LAMC1: variants seen among roughly 807,000 people sequenced by gnomAD.
LAMC1 encodes laminin subunit gamma-1.
A neutral mutation model predicts 173.6 loss-of-function variants in LAMC1; 38 were observed. That is an observed-to-expected ratio of 0.22 (90% CI 0.17 to 0.29). The LOEUF (loss-of-function observed/expected upper bound fraction) is 0.29, where lower values mean the gene tolerates loss of function less well. LAMC1 is among the 10% of genes least tolerant of loss of function. The pLI is 1.00. For missense variants in LAMC1, 1,824 were observed against 2,051.8 expected (o/e 0.89, Z 2.14); for synonymous variants, 746 against 749.1 (o/e 1.00, Z 0.07).
At position 183,130,465 on chromosome 1, in the gene LAMC1, G is replaced by A. The variant is rs763746442; in HGVS notation, c.3402G>A (p.Ala1134=). ...IEETGNLAEQ[A]RAHVENTERL... is the part of the protein sequence containing the mutation. The stretch of plus-strand genomic sequence containing the variant: ...AGACTGGAAACTTGGCTGAACAAGC[G>A]CGTGCCCATGTAGAGAACACAGAGC... Residue 1134 remains alanine (A), a synonymous_variant, in exon 19 of 28, where the codon GCG becomes GCA. Transcript: ENST00000258341. The A allele has an allele frequency of 3.3e-5, 54 of 1,614,068 alleles. No individual in the cohort carries two copies. Among genetic ancestry groups the A allele is most frequent in the African/African-American group, 1.7e-4 (13 of 74,924 alleles).
At chr1:183,121,681 A>G (rs776984316) in intron 11 of LAMC1, 42 bp from the exon 12 acceptor site, 4 of 1,545,912 alleles carry the variant, frequency 2.6e-6, no homozygotes, top group Non-Finnish European at 3.5e-6. Context: ...AGGTTTGGAA[A>G]ACAAGCCAGT....
intron 18 of LAMC1, among the ~76,000 whole-genome samples, chr1:183,129,736 G>C (rs1656731077): frequency 1.3e-5 from 2 of 152,080 alleles, no homozygotes; most frequent in Non-Finnish European, 2.9e-5. Context: ...GTTAGGACCT[G>C]AGTATGAGAT....
At chr1:183,131,172 CAAAAAAA>C (rs3065304) in intron 19 of LAMC1, 120 bp from the exon 20 acceptor site, 11 of 401,180 alleles carry the variant, frequency 2.7e-5, no homozygotes, top group Non-Finnish European at 4.4e-5. Context: ...GAAACTATCT[CAAAAAAA>C]AAAAAAAAAA....
At position 183,024,052 on chromosome 1, in the gene LAMC1, G is replaced by A. The variant is rs1653612945; in HGVS notation, c.336G>A (p.Gln112=). 6.2e-7 allele frequency: 1 copy of A among 1,612,380 alleles called. No individual in the cohort carries two copies. Among genetic ancestry groups the A allele is most frequent in the African/African-American group, 1.3e-5 (1 of 74,918 alleles). Residue 112 remains glutamine, a synonymous_variant, in exon 1 of 28, where the codon CAG becomes CAA. Transcript: ENST00000258341. The stretch of plus-strand genomic sequence containing the variant: ...CCTTCCTGACCGACTACAACAACCA[G>A]GCCGACACCACCTGGTGGCAAAGCC... ...GAAFLTDYNN[Q]ADTTWWQSQT... is the part of the protein sequence containing the mutation.
intron 1 of LAMC1, among the ~76,000 whole-genome samples, chr1:183,071,767 G>T (rs1655017967): frequency 6.6e-6 from 1 of 152,178 alleles, no homozygotes. Context: ...GCATAGTGCT[G>T]AAGTGCCGTC....
In LAMC1 at chr1:183,143,134, C is replaced by T. The variant is rs12082233; in HGVS notation, c.*344C>T. ...GTATGCTGGGGTAGAGCAAGTAGCC[C>T]TCCCCTGTCTCATCGATACCAGCAG... is the stretch of plus-strand genomic sequence containing the variant. On this transcript the variant is annotated 3_prime_UTR_variant, in exon 28 of 28. Transcript: ENST00000258341. 0.018 allele frequency: 3,665 copies of T among 198,226 alleles called. 147 individuals carry two copies. Among genetic ancestry groups the T allele is most frequent in the African/African-American group, 0.076 (3,265 of 43,104 alleles). The allele number at this position is 198,226 out of a possible 1,614,324, so 12.3% of individuals were successfully genotyped here.
At chr1:183,099,444 T>A (rs1412897451) in intron 1 of LAMC1, among the ~76,000 whole-genome samples, 2 of 152,212 alleles carry the variant, frequency 1.3e-5, no homozygotes, top group Non-Finnish European at 2.9e-5. Context: ...TTGGTGCAGC[T>A]GTGACCTCTG....
At chr1:183,096,348 T>C (rs1187176240) in intron 1 of LAMC1, among the ~76,000 whole-genome samples, 1 of 152,262 alleles carries the variant, frequency 6.6e-6, no homozygotes, top group Non-Finnish European at 1.5e-5. Flanking sequence ...AATCATACCA[T>C]TATTTTTATA....
At position 183,114,696 on chromosome 1, in the gene LAMC1, C is replaced by T. The variant is rs756157644; in HGVS notation, c.1187C>T (p.Ser396Phe). The change falls in exon 5 of 28, where the codon TCT becomes TTT. Residue 396 changes from serine to phenylalanine, a missense_variant. By Grantham distance (155) the Ser-to-Phe change is radical. Transcript: ENST00000258341. ...FFRLGNNEAC[S>F]SCHCSPVGSL... Reference sequence around the variant, plus strand: ...CGCCTTGGCAACAATGAAGCCTGCTCTTCATGCCACTGTAGTCCTGTGGGT... The same window carrying T: ...CGCCTTGGCAACAATGAAGCCTGCTTTTCATGCCACTGTAGTCCTGTGGGT... 3.7e-6 allele frequency: 6 copies of T among 1,614,060 alleles called. No individual in the cohort carries two copies. In the African/African-American group the frequency reaches 6.7e-5, roughly 18 times the overall value.
chr1:183,023,603 A>G lies in LAMC1; in HGVS notation c.-114A>G. ...CGCCGCCACCGCCCGCGCCGGAGTCAGGCCCCTGGGCCCCCAGGCTCAAGC... is the reference window on the plus strand; with the variant it reads ...CGCCGCCACCGCCCGCGCCGGAGTCGGGCCCCTGGGCCCCCAGGCTCAAGC... On this transcript the variant is annotated 5_prime_UTR_variant, in exon 1 of 28. Transcript: ENST00000258341. The G allele has an allele frequency of 1.3e-6, 1 of 799,624 alleles. No homozygotes were observed. The highest frequency in any genetic ancestry group is 1.6e-6 in the Non-Finnish European group (1 of 628,260). 49.5% of individuals were successfully genotyped at this position (799,624 alleles called of 1,614,324 possible). A position where few individuals can be genotyped will look rare whatever the true frequency, so the allele number is the denominator to read the frequency against.
intron 13 of LAMC1, among the ~76,000 whole-genome samples, 200 bp downstream of exon 13, chr1:183,122,451 A>C (rs1042130529): frequency 1.3e-5 from 2 of 152,062 alleles, no homozygotes; most frequent in African/African-American, 4.8e-5. Flanking sequence ...CCATCTGTCA[A>C]CCAAGGGCTT....
intron 1 of LAMC1, among the ~76,000 whole-genome samples, chr1:183,079,316 G>A (rs1655206518): frequency 8.1e-6 from 1 of 123,360 alleles, no homozygotes; most frequent in African/African-American, 3.1e-5. Flanking sequence ...GTGCAGTGGT[G>A]TGATCTCAGC....
chr1:183,108,762 G>A (rs1451044401), intron 3 of LAMC1, among the ~76,000 whole-genome samples: 1 of 152,164 alleles, frequency 6.6e-6, no homozygotes, highest in Non-Finnish European at 1.5e-5. Context: ...TGACCTTCTT[G>A]GATCTTACAC....
chr1:183,104,599 C>A (rs993427151), intron 2 of LAMC1, among the ~76,000 whole-genome samples: 1 of 151,990 alleles, frequency 6.6e-6, no homozygotes, highest in African/African-American at 2.4e-5. Context: ...TAGGAAATAC[C>A]CCATTTTTCT....
intron 2 of LAMC1, 32 bp from the exon 3 acceptor site, chr1:183,108,243 CT>C (rs1221929423): frequency 6.2e-7 from 1 of 1,603,278 alleles, no homozygotes; most frequent in Admixed American, 1.7e-5. Flanking sequence ...CCCTCCACTT[CT>C]CTTTTATGTT....
chr1:183,073,084 C>G (rs1446588030), intron 1 of LAMC1, among the ~76,000 whole-genome samples: 1 of 152,206 alleles, frequency 6.6e-6, no homozygotes, highest in African/African-American at 2.4e-5. Context: ...AGGTTGGGGA[C>G]TGCTGGATTA....
rs1408218199 is a variant in LAMC1 at position 183,144,406 on chromosome 1, C to G, written c.*1616C>G. On this transcript the variant is annotated 3_prime_UTR_variant, in exon 28 of 28. Coordinates refer to ENST00000258341, the MANE Select transcript of LAMC1 (RefSeq NM_002293.4). ...TTGCTCAATTTTTCCTCTTCACTGG[C>G]ACAATGTATCTGAATACCTCCTTCC... The G allele has an allele frequency of 1.3e-5, 2 of 152,552 alleles. No individual in the cohort carries two copies. The highest frequency in any genetic ancestry group is 4.8e-5 in the African/African-American group (2 of 41,420). The allele number at this position is 152,552 out of a possible 1,614,324, so 9.4% of individuals were successfully genotyped here. A position where few individuals can be genotyped will look rare whatever the true frequency, so the allele number is the denominator to read the frequency against.
intron 1 of LAMC1, among the ~76,000 whole-genome samples, chr1:183,067,483 TG>T (rs773562694): frequency 1.4e-4 from 21 of 151,938 alleles, no homozygotes; most frequent in Non-Finnish European, 2.1e-4. Context: ...TTTTTGTTGT[TG>T]TTGTTGTTGT....
intron 1 of LAMC1, among the ~76,000 whole-genome samples, chr1:183,052,710 C>A (rs569710960): frequency 2.0e-5 from 3 of 152,268 alleles, no homozygotes; most frequent in Non-Finnish European, 4.4e-5. Flanking sequence ...TCACCTTAAG[C>A]ACAGCCTGCT....
Sources: gnomAD v4.1 joint callset for allele counts (sites outside exome capture counted in the v4.1 genomes callset) on GRCh38, gnomAD v4.1.1 for gene constraint, MANE v1.5 for transcripts, NCBI Gene and HGNC (gene_info 2026-07-23, HGNC 2026-07-21) for gene names.